MDGA2: variants seen among roughly 807,000 people sequenced by gnomAD.
MDGA2 encodes MAM domain-containing glycosylphosphatidylinositol anchor protein 2.
A neutral mutation model predicts 117.8 loss-of-function variants in MDGA2; 40 were observed. The ratio of observed to expected loss-of-function variants is 0.34; its 90% confidence interval spans 0.26 to 0.44. The LOEUF (loss-of-function observed/expected upper bound fraction) is 0.44. Ranked by LOEUF, MDGA2 falls within the 20% of genes least tolerant of loss-of-function variation. MDGA2 has a pLI of 1.00. For missense variants in MDGA2, 1,123 were observed against 1,250.6 expected, an observed-to-expected ratio of 0.90 and a Z score of 1.54; for synonymous variants, 452 against 439.0, an observed-to-expected ratio of 1.03 and a Z score of -0.37.
At chr14:47,460,774 G>A (rs566699411) in intron 1 of MDGA2, among the ~76,000 whole-genome samples, 3 of 152,172 alleles carry the variant, frequency 2.0e-5, no homozygotes, top group South Asian at 4.2e-4. Context: ...CTATGACAAA[G>A]GATAATATGA....
chr14:47,491,559 T>C (rs1325392173), intron 1 of MDGA2, among the ~76,000 whole-genome samples: 1 of 152,180 alleles, frequency 6.6e-6, no homozygotes, highest in Non-Finnish European at 1.5e-5. Flanking sequence ...AGCCAAAGTA[T>C]GCAGAACTCA....
chr14:47,626,943 C>T (rs1041965010), intron 1 of MDGA2, among the ~76,000 whole-genome samples: 1 of 152,382 alleles, frequency 6.6e-6, no homozygotes, highest in Middle Eastern at 3.4e-3. Context: ...GTGCGGGATC[C>T]ACTGGGTGAA....
intron 1 of MDGA2, among the ~76,000 whole-genome samples, chr14:47,634,177 A>T (rs1264304944): frequency 6.6e-6 from 1 of 152,124 alleles, no homozygotes; most frequent in Non-Finnish European, 1.5e-5. Context: ...TTTTTTGCTT[A>T]GTGTGGTATT....
At chr14:47,436,333 T>C (rs1413750729) in intron 1 of MDGA2, among the ~76,000 whole-genome samples, 1 of 152,158 alleles carries the variant, frequency 6.6e-6, no homozygotes, top group African/African-American at 2.4e-5. Context: ...AGTTATGTTA[T>C]ACAGAATCAT....
intron 8 of MDGA2, among the ~76,000 whole-genome samples, chr14:46,987,381 C>G (rs1886899251): frequency 6.6e-6 from 1 of 152,064 alleles, no homozygotes; most frequent in Non-Finnish European, 1.5e-5. Context: ...ACAAAAATGT[C>G]TAATGTACAG....
At chr14:46,996,667 A>C (rs1887304804) in intron 8 of MDGA2, 1 of 154,668 alleles carries the variant, frequency 6.5e-6, no homozygotes. Context: ...TTGTTGATGA[A>C]ATGGATGACA....
chr14:47,025,276 A>G (rs900065694), intron 8 of MDGA2, among the ~76,000 whole-genome samples: 1 of 152,174 alleles, frequency 6.6e-6, no homozygotes, highest in African/African-American at 2.4e-5. Flanking sequence ...AAGAATGTCA[A>G]CTATAATCTT....
chr14:46,847,849 C>T (rs1880902515), intron 15 of MDGA2, among the ~76,000 whole-genome samples: 1 of 151,954 alleles, frequency 6.6e-6, no homozygotes, highest in Non-Finnish European at 1.5e-5. Flanking sequence ...AAAGCCTTTA[C>T]AAATTGCCCG....
intron 2 of MDGA2, among the ~76,000 whole-genome samples, chr14:47,272,614 T>C (rs1467796225): frequency 6.6e-6 from 1 of 152,118 alleles, no homozygotes; most frequent in Non-Finnish European, 1.5e-5. Flanking sequence ...AGTACTCCAG[T>C]TGGGCTTTTA....
intron 1 of MDGA2, among the ~76,000 whole-genome samples, chr14:47,459,750 A>T (rs1893444326): frequency 6.6e-6 from 1 of 152,154 alleles, no homozygotes; most frequent in African/African-American, 2.4e-5. Flanking sequence ...TGTCTCAAAC[A>T]CTATTAGTCT....
rs888922666 is a variant in MDGA2, at chr14:47,674,748, G to C, written c.49C>G (p.Arg17Gly). 1 of 722,556 alleles carries C rather than the reference G, an allele frequency of 1.4e-6. No individual in the cohort carries two copies. The highest frequency in any genetic ancestry group is 2.5e-4 in the Middle Eastern group (1 of 4,006). 44.8% of individuals were successfully genotyped at this position (722,556 alleles called of 1,614,324 possible). The change falls in exon 1 of 17, where the codon CGG becomes GGG. Residue 17 changes from arginine to glycine, a missense_variant. By Grantham distance (125) the Arg-to-Gly change is moderately radical. Coordinates refer to ENST00000399232, the MANE Select transcript of MDGA2 (RefSeq NM_001113498.3). ...AAGCGCCGTCCGTCTGTCCTTCCCC[G>C]GCGGCGGCGGCGAGCGGAGCGCAGG... ...GLLRSARRRR[R>G]GRTDGRRFLL...
intron 1 of MDGA2, among the ~76,000 whole-genome samples, chr14:47,538,706 C>T (rs540582981): frequency 1.3e-5 from 2 of 152,128 alleles, no homozygotes; most frequent in Non-Finnish European, 2.9e-5. Context: ...CTTTCTTTTT[C>T]TCTCTCTCTC....
intron 8 of MDGA2, among the ~76,000 whole-genome samples, chr14:47,009,545 C>G (rs900912729): frequency 6.6e-6 from 1 of 151,960 alleles, no homozygotes; most frequent in African/African-American, 2.4e-5. Context: ...ATCAGCAATA[C>G]AAACTCAAAG....
intron 10 of MDGA2, among the ~76,000 whole-genome samples, chr14:46,915,009 T>C (rs1391430278): frequency 1.3e-5 from 2 of 152,166 alleles, no homozygotes. Flanking sequence ...TCCATGTATT[T>C]AAAAATGTAT....
chr14:47,586,008 C>A (rs2138849372), intron 1 of MDGA2, among the ~76,000 whole-genome samples: 1 of 151,944 alleles, frequency 6.6e-6, no homozygotes, highest in East Asian at 1.9e-4. Context: ...ACCTAGGTCA[C>A]ATGTTTACTC....
intron 1 of MDGA2, among the ~76,000 whole-genome samples, chr14:47,359,797 G>C (rs187234780): frequency 5.5e-4 from 79 of 143,984 alleles, no homozygotes; most frequent in African/African-American, 1.9e-3. Flanking sequence ...TGAAAGAAAA[G>C]TCTCTTTATA....
At chr14:47,639,183 AG>A (rs1897377117) in intron 1 of MDGA2, among the ~76,000 whole-genome samples, 1 of 152,176 alleles carries the variant, frequency 6.6e-6, no homozygotes, top group South Asian at 2.1e-4. Flanking sequence ...GTGAGTATAA[AG>A]GTGTGTGTAT....
chr14:47,499,690 C>T (rs910633621), intron 1 of MDGA2, among the ~76,000 whole-genome samples: 1 of 152,052 alleles, frequency 6.6e-6, no homozygotes, highest in African/African-American at 2.4e-5. Context: ...AAATAAGAGG[C>T]ACAACAGAAG....
At chr14:47,520,396 T>C (rs1894844747) in intron 1 of MDGA2, among the ~76,000 whole-genome samples, 2 of 152,148 alleles carry the variant, frequency 1.3e-5, no homozygotes, top group African/African-American at 4.8e-5. Context: ...GCTGCTATTA[T>C]CCCACTACAA....
Sources: allele counts gnomAD v4.1 joint callset (sites outside exome capture counted in the v4.1 genomes callset), GRCh38; gene constraint gnomAD v4.1.1; transcripts MANE v1.5; gene names NCBI Gene and HGNC (gene_info 2026-07-23, HGNC 2026-07-21).